The following ELP4 variants were observed in gnomAD, a reference collection of about 807,000 sequenced individuals.
The protein encoded by ELP4 is elongator complex protein 4.
A neutral mutation model predicts 48.9 loss-of-function variants in ELP4; 51 were observed. The ratio of observed to expected loss-of-function variants is 1.04; its 90% CI spans 0.83 to 1.32. The LOEUF (loss-of-function observed/expected upper bound fraction) is 1.32, where lower values mean the gene tolerates loss of function less well. Ranked by LOEUF, ELP4 falls within the 40% of genes most tolerant of loss-of-function variation. The pLI is 0.00. For synonymous variants in ELP4, 210 were observed against 189.2 expected (o/e 1.11, Z -0.90); for missense variants, 519 against 514.6 (o/e 1.01, Z -0.08).
intron 9 of ELP4, among the ~76,000 whole-genome samples, chr11:31,678,462 ATAAT>A (rs1352815195): frequency 6.6e-6 from 1 of 151,584 alleles, no homozygotes; most frequent in African/African-American, 2.4e-5. Flanking sequence ...AAATTAATAA[ATAAT>A]TGTTATTATT....
At chr11:31,586,769 A>G (rs1205897934) in intron 3 of ELP4, among the ~76,000 whole-genome samples, 2 of 151,758 alleles carry the variant, frequency 1.3e-5, no homozygotes, top group East Asian at 3.9e-4. Flanking sequence ...CAGCCTCCCG[A>G]GTAGCTGGGA....
At chr11:31,679,252 T>C (rs1212509709) in intron 9 of ELP4, among the ~76,000 whole-genome samples, 1 of 152,240 alleles carries the variant, frequency 6.6e-6, no homozygotes, top group Non-Finnish European at 1.5e-5. Flanking sequence ...TATATTCATG[T>C]ACCACATATA....
intron 9 of ELP4, among the ~76,000 whole-genome samples, chr11:31,660,644 G>A (rs1190980459): frequency 6.6e-6 from 1 of 151,440 alleles, no homozygotes; most frequent in Non-Finnish European, 1.5e-5. Flanking sequence ...ATACACATAT[G>A]TACTTGTTTT....
intron 1 of ELP4, among the ~76,000 whole-genome samples, chr11:31,513,610 T>G (rs1178204228): frequency 2.6e-4 from 40 of 152,188 alleles, no homozygotes; most frequent in Admixed American, 2.6e-3. Context: ...TCTCTAACAT[T>G]GAAGAAAGGC....
chr11:31,733,567 A>T (rs898169970), intron 9 of ELP4, among the ~76,000 whole-genome samples: 1 of 152,024 alleles, frequency 6.6e-6, no homozygotes, highest in African/African-American at 2.4e-5. Flanking sequence ...AAAAGAGATT[A>T]TTGTGAACAA....
At chr11:31,550,205 A>T (rs1034666630) in intron 3 of ELP4, among the ~76,000 whole-genome samples, 4 of 152,172 alleles carry the variant, frequency 2.6e-5, no homozygotes, top group African/African-American at 9.6e-5. Context: ...GACTGGAAAT[A>T]AGTAAATATA....
At chr11:31,663,357 G>A (rs1004260366) in intron 9 of ELP4, 2 of 151,880 alleles carry the variant, frequency 1.3e-5, no homozygotes, top group Admixed American at 1.3e-4. Context: ...GTTTTCATTT[G>A]TAGCATGTTT....
At chr11:31,658,053 G>T (rs1945475799) in intron 9 of ELP4, among the ~76,000 whole-genome samples, 1 of 151,932 alleles carries the variant, frequency 6.6e-6, no homozygotes, top group South Asian at 2.1e-4. Context: ...TGGCAGAAAT[G>T]ACACTTAAAT....
chr11:31,527,198 T>C (rs1295709279), intron 2 of ELP4, among the ~76,000 whole-genome samples: 1 of 152,084 alleles, frequency 6.6e-6, no homozygotes, highest in Non-Finnish European at 1.5e-5. Context: ...ATTCTGCTTA[T>C]GTTTTTAAAG....
intron 3 of ELP4, among the ~76,000 whole-genome samples, chr11:31,550,246 C>CT (rs1178638229): frequency 6.6e-6 from 1 of 151,704 alleles, no homozygotes; most frequent in African/African-American, 2.4e-5. Flanking sequence ...GTATAAAATA[C>CT]TTTTTTTCTC....
chr11:31,739,929 G>A (rs1195066687), intron 9 of ELP4, among the ~76,000 whole-genome samples: 1 of 152,102 alleles, frequency 6.6e-6, no homozygotes, highest in Admixed American at 6.5e-5. Flanking sequence ...AAGCATTACT[G>A]CCATCACTCC....
chr11:31,535,983 T>C lies in ELP4; in HGVS notation c.260-3679T>C, dbSNP rs1956494604. Reference sequence around the variant, plus strand: ...ATACAGAGGGCAAAATGTAAGGTACTAAGCATCCTTGGATTTTGGTATTCA... The same window carrying C: ...ATACAGAGGGCAAAATGTAAGGTACCAAGCATCCTTGGATTTTGGTATTCA... On this transcript the variant is annotated intron_variant, in intron 2 of 9. Coordinates refer to ENST00000640961, the MANE Select transcript of ELP4 (RefSeq NM_019040.5). Among the ~76,000 whole-genome samples the C allele has an allele frequency of 2.0e-5, 3 of 152,176 alleles. No individual in the cohort carries two copies. In the South Asian group the frequency reaches 6.2e-4, roughly 32 times the overall value.
intron 5 of ELP4, among the ~76,000 whole-genome samples, chr11:31,626,555 C>T (rs1393696201): frequency 1.3e-5 from 2 of 151,686 alleles, no homozygotes; most frequent in African/African-American, 4.8e-5. Context: ...TTCTTAAATT[C>T]ATCCATTTAT....
At chr11:31,737,325 G>T (rs1344642936) in intron 9 of ELP4, among the ~76,000 whole-genome samples, 1 of 152,082 alleles carries the variant, frequency 6.6e-6, no homozygotes, top group South Asian at 2.1e-4. Context: ...TTGTGGGGTA[G>T]GGGGAGTGGG....
intron 9 of ELP4, among the ~76,000 whole-genome samples, chr11:31,709,088 A>G (rs1163867780): frequency 6.6e-6 from 1 of 152,136 alleles, no homozygotes; most frequent in Non-Finnish European, 1.5e-5. Flanking sequence ...TCTCTGATCT[A>G]TACATCCTGT....
At chr11:31,737,123 A>G (rs1387437803) in intron 9 of ELP4, among the ~76,000 whole-genome samples, 5 of 152,246 alleles carry the variant, frequency 3.3e-5, no homozygotes, top group African/African-American at 1.2e-4. Flanking sequence ...TACATCATGG[A>G]ATACTATGCA....
chr11:31,513,212 AT>A (rs1447448434), intron 1 of ELP4, among the ~76,000 whole-genome samples: 3 of 152,238 alleles, frequency 2.0e-5, no homozygotes, highest in African/African-American at 4.8e-5. Context: ...AGAAAAATGT[AT>A]TTTTTATTGC....
chr11:31,745,277 G>A (rs1183853663), intron 9 of ELP4, among the ~76,000 whole-genome samples: 2 of 152,096 alleles, frequency 1.3e-5, no homozygotes, highest in South Asian at 2.1e-4. Flanking sequence ...CATGCTCATG[G>A]GTAGGAAGAA....
At chr11:31,713,439 A>G (rs1212825834) in intron 9 of ELP4, among the ~76,000 whole-genome samples, 2 of 152,188 alleles carry the variant, frequency 1.3e-5, no homozygotes, top group South Asian at 2.1e-4. Context: ...CAAATATTTC[A>G]AAGTATAATG....
Sources: allele counts gnomAD v4.1 joint callset (sites outside exome capture counted in the v4.1 genomes callset), GRCh38; gene constraint gnomAD v4.1.1; transcripts MANE v1.5; gene names NCBI Gene and HGNC (gene_info 2026-07-23, HGNC 2026-07-21).